Variants in RANBP17 observed in about 807,000 individuals in gnomAD.
The protein encoded by RANBP17 is ran-binding protein 17.
In RANBP17, 158 loss-of-function variants were observed where a neutral mutation model predicts 141.2. That is an observed-to-expected ratio of 1.12 (90% CI 0.98 to 1.28). RANBP17 has a LOEUF of 1.28. RANBP17 is among the 50% of genes most tolerant of loss of function. RANBP17 has a pLI of 0.00. For missense variants in RANBP17, 1,438 were observed against 1,290.7 expected (o/e 1.11, Z -1.75); for synonymous variants, 430 against 450.0 (o/e 0.96, Z 0.56).
chr5:170,926,312 C>T (rs986602665), intron 12 of RANBP17, among the ~76,000 whole-genome samples: 1 of 152,032 alleles, frequency 6.6e-6, no homozygotes, highest in African/African-American at 2.4e-5. Context: ...TAGATTCTTG[C>T]CAGCAGCTCG....
chr5:171,265,306 G>A (rs557807748), intron 24 of RANBP17, among the ~76,000 whole-genome samples: 27 of 152,268 alleles, frequency 1.8e-4, no homozygotes, highest in African/African-American at 5.5e-4. Context: ...AGGCCAAGGC[G>A]GGTGAATCAC....
At chr5:171,290,964 C>T (rs1768459837) in intron 25 of RANBP17, among the ~76,000 whole-genome samples, 1 of 152,196 alleles carries the variant, frequency 6.6e-6, no homozygotes. Context: ...TTATTGTCCT[C>T]CATTTTATAT....
At chr5:170,926,352 A>G (rs1056674239) in intron 12 of RANBP17, among the ~76,000 whole-genome samples, 35 of 152,248 alleles carry the variant, frequency 2.3e-4, no homozygotes, top group African/African-American at 8.2e-4. Context: ...TTGATGATCT[A>G]GTTGAGAATA....
At chr5:171,209,182 C>G (rs763972389) in intron 20 of RANBP17, among the ~76,000 whole-genome samples, 7 of 152,014 alleles carry the variant, frequency 4.6e-5, no homozygotes, top group Non-Finnish European at 1.0e-4. Context: ...TAGGATTGGA[C>G]CATATGGAAA....
intron 14 of RANBP17, among the ~76,000 whole-genome samples, chr5:171,109,741 C>T (rs1755086896): frequency 6.6e-6 from 1 of 152,158 alleles, no homozygotes. Context: ...TTGCAACCAT[C>T]CATTTTTCCC....
At chr5:170,933,148 A>G (rs1247775630) in intron 12 of RANBP17, among the ~76,000 whole-genome samples, 1 of 152,056 alleles carries the variant, frequency 6.6e-6, no homozygotes, top group African/African-American at 2.4e-5. Flanking sequence ...GGGAGGGTGT[A>G]TGTGTCCAGG....
intron 25 of RANBP17, among the ~76,000 whole-genome samples, chr5:171,277,400 C>G (rs1194896790): frequency 2.0e-5 from 3 of 151,476 alleles, no homozygotes; most frequent in African/African-American, 7.3e-5. Flanking sequence ...GTTTTCTTAC[C>G]ATACTATTCC....
At chr5:171,196,442 T>A (rs918951511) in intron 18 of RANBP17, among the ~76,000 whole-genome samples, 1 of 152,144 alleles carries the variant, frequency 6.6e-6, no homozygotes, top group Non-Finnish European at 1.5e-5. Flanking sequence ...ATGTTAAAAG[T>A]CTGAATTTGT....
intron 14 of RANBP17, among the ~76,000 whole-genome samples, chr5:171,080,964 T>A (rs1785229312): frequency 6.6e-6 from 1 of 152,172 alleles, no homozygotes; most frequent in Non-Finnish European, 1.5e-5. Context: ...AATAACAGTT[T>A]TTATATACTG....
chr5:170,987,660 TTAGAC>T (rs1778239197), intron 14 of RANBP17, among the ~76,000 whole-genome samples: 1 of 151,746 alleles, frequency 6.6e-6, no homozygotes. Context: ...GAGCAAATAA[TTAGAC>T]TAAAGGCCTA....
chr5:171,098,449 C>CT (rs1270700568), intron 14 of RANBP17, among the ~76,000 whole-genome samples: 1 of 152,140 alleles, frequency 6.6e-6, no homozygotes, highest in African/African-American at 2.4e-5. Context: ...TGAGAAGTGT[C>CT]TGTTCATATC....
chr5:171,066,832 G>A (rs1784341098), intron 14 of RANBP17, among the ~76,000 whole-genome samples: 1 of 152,142 alleles, frequency 6.6e-6, no homozygotes, highest in Non-Finnish European at 1.5e-5. Flanking sequence ...AAGTTCAAAA[G>A]AGAGAAGTTA....
chr5:171,171,851 A>G (rs969882684), intron 16 of RANBP17, among the ~76,000 whole-genome samples: 1 of 151,960 alleles, frequency 6.6e-6, no homozygotes, highest in Non-Finnish European at 1.5e-5. Flanking sequence ...CTAATCTAAA[A>G]TAAGATTCCC....
chr5:170,877,549 AC>A (rs1355886968), intron 1 of RANBP17, among the ~76,000 whole-genome samples: 1 of 152,184 alleles, frequency 6.6e-6, no homozygotes, highest in East Asian at 1.9e-4. Flanking sequence ...GGTATAAGTC[AC>A]CATGCCCGGC....
rs5873253 is a variant in RANBP17 at position 171,093,215 on chromosome 5, C to CA, written c.1711-76903dup. 6.6e-3 allele frequency among the ~76,000 whole-genome samples: 993 copies of CA among 150,226 alleles called. 10 individuals are homozygous for CA. The highest frequency in any genetic ancestry group is 0.014 in the South Asian group (69 of 4,770). On this transcript the variant is annotated intron_variant, in intron 14 of 27. Transcript: ENST00000523189. ...ATAGCAGTGGAACTCAGTCTCCCCC[C>CA]AAAAAAAAAAAATAGACATTTTTAT...
At chr5:171,025,513 T>TCCCTCA (rs1328990265) in intron 14 of RANBP17, among the ~76,000 whole-genome samples, 2 of 152,020 alleles carry the variant, frequency 1.3e-5, no homozygotes, top group Non-Finnish European at 2.9e-5. Flanking sequence ...TAGGCAGCCT[T>TCCCTCA]CCCTCACCCT....
intron 13 of RANBP17, among the ~76,000 whole-genome samples, chr5:170,962,870 T>TA (rs1238666832): frequency 6.6e-6 from 1 of 152,216 alleles, no homozygotes; most frequent in Non-Finnish European, 1.5e-5. Context: ...CTTGTCAAAA[T>TA]ATTTTTTCTT....
intron 12 of RANBP17, among the ~76,000 whole-genome samples, chr5:170,947,152 A>G (rs1165656308): frequency 6.6e-6 from 1 of 152,204 alleles, no homozygotes; most frequent in Non-Finnish European, 1.5e-5. Flanking sequence ...AATTTAAGCA[A>G]TAGAAATATA....
chr5:171,186,589 T>G lies in RANBP17; in HGVS notation c.2038+3159T>G, dbSNP rs1039062788. Among the ~76,000 whole-genome samples, 16 of 111,392 alleles carry G rather than the reference T, an allele frequency of 1.4e-4. No homozygotes were observed. The South Asian group carries it at 1.8e-3, about 13-fold the overall frequency. 73.1% of individuals were successfully genotyped at this position (111,392 alleles called of 152,430 possible). On this transcript the variant is annotated intron_variant, in intron 18 of 27. Coordinates refer to ENST00000523189, the MANE Select transcript of RANBP17 (RefSeq NM_022897.5). ...TCTCGCTCTGTCGCCCAGGCTGGAG[T>G]GCAGTGGTGCGATCTCGGCTCACTG...
Sources: allele counts gnomAD v4.1 joint callset (sites outside exome capture counted in the v4.1 genomes callset), GRCh38; gene constraint gnomAD v4.1.1; transcripts MANE v1.5; gene names NCBI Gene and HGNC (gene_info 2026-07-23, HGNC 2026-07-21).